PCDH11X: variants seen among roughly 807,000 people sequenced by gnomAD.
PCDH11X encodes protocadherin-11 X-linked.
In PCDH11X, 18 loss-of-function variants were observed where a neutral mutation model predicts 53.3. The ratio of observed to expected loss-of-function variants is 0.34; its 90% CI spans 0.23 to 0.50. The LOEUF (loss-of-function observed/expected upper bound fraction) is 0.50. Among genes scored for constraint, PCDH11X ranks in the 20% least tolerant of loss-of-function variants. The probability of loss-of-function intolerance (pLI) is 0.98; values close to 1 mark genes in which losing one functional copy is unlikely to be tolerated. For synonymous variants in PCDH11X, 279 were observed against 393.3 expected (o/e 0.71, Z 3.44); for missense variants, 570 against 1,032.4 (o/e 0.55, Z 6.14).
chrX:92,269,383 A>T (rs76307201), intron 8 of PCDH11X, among the ~76,000 whole-genome samples: 1 of 111,756 alleles, frequency 8.9e-6, no homozygotes, highest in East Asian at 2.9e-4. Flanking sequence ...AATAGTACTA[A>T]GTTTCAGTTG....
intron 6 of PCDH11X, among the ~76,000 whole-genome samples, chrX:91,913,100 G>A (rs1331345935): frequency 1.8e-5 from 2 of 111,335 alleles, no homozygotes; most frequent in Non-Finnish European, 3.8e-5. Flanking sequence ...TCTCACAGGG[G>A]CCCTCAGGAA....
chrX:91,919,167 C>A (rs1390496191), intron 6 of PCDH11X, among the ~76,000 whole-genome samples: 2 of 111,335 alleles, frequency 1.8e-5, no homozygotes, highest in Non-Finnish European at 3.8e-5. Flanking sequence ...AAATAATGAG[C>A]TGTTTGTTTC....
At chrX:92,445,312 T>C (rs1343218794) in intron 9 of PCDH11X, among the ~76,000 whole-genome samples, 1 of 104,793 alleles carries the variant, frequency 9.5e-6, no homozygotes, top group African/African-American at 3.5e-5. Flanking sequence ...TGGAAGATTG[T>C]ATGTTTCCAG....
chrX:92,255,728 A>G (rs928876416), intron 7 of PCDH11X, among the ~76,000 whole-genome samples: 9 of 112,009 alleles, frequency 8.0e-5, no homozygotes, highest in Non-Finnish European at 1.3e-4. Flanking sequence ...CCCCTACTGG[A>G]GGGTGCCTCC....
chrX:92,391,014 T>C, intron 9 of PCDH11X, among the ~76,000 whole-genome samples: 1 of 109,020 alleles, frequency 9.2e-6, no homozygotes, highest in Admixed American at 1.0e-4. Flanking sequence ...TAAAATATCC[T>C]GTCTCATTCC....
chrX:92,115,171 G>T (rs1602966179), intron 6 of PCDH11X, among the ~76,000 whole-genome samples: 1 of 110,508 alleles, frequency 9.0e-6, no homozygotes, highest in East Asian at 2.9e-4. Context: ...AACTGGAACT[G>T]ACCTCTCTAT....
At chrX:92,389,937 T>C (rs2071089838) in intron 9 of PCDH11X, among the ~76,000 whole-genome samples, 1 of 109,679 alleles carries the variant, frequency 9.1e-6, no homozygotes, top group Non-Finnish European at 1.9e-5. Flanking sequence ...TGTTCATATT[T>C]ACTCTACAGG....
intron 10 of PCDH11X, among the ~76,000 whole-genome samples, chrX:92,473,093 C>T (rs1344160946): frequency 1.9e-5 from 2 of 107,481 alleles, no homozygotes; most frequent in Non-Finnish European, 1.9e-5. Context: ...GATAGTTTGA[C>T]TTCCTCTCTG....
intron 9 of PCDH11X, among the ~76,000 whole-genome samples, chrX:92,432,478 T>C (rs906078713): frequency 7.2e-5 from 8 of 110,933 alleles, no homozygotes; most frequent in Non-Finnish European, 1.1e-4. Flanking sequence ...TATGGATGAA[T>C]AAATGTTATG....
chrX:91,809,954 C>G (rs1227406899), intron 2 of PCDH11X, among the ~76,000 whole-genome samples: 5 of 110,949 alleles, frequency 4.5e-5, no homozygotes, highest in Admixed American at 3.9e-4. Context: ...AATTACCCCT[C>G]AAAGTTGAAG....
chrX:92,331,565 G>A (rs1304683668), intron 8 of PCDH11X, among the ~76,000 whole-genome samples: 2 of 108,556 alleles, frequency 1.8e-5, no homozygotes, highest in Non-Finnish European at 1.9e-5. Context: ...ATATAAAAAA[G>A]GAAATAGTAT....
At chrX:92,271,521 A>G (rs1355001877) in intron 8 of PCDH11X, among the ~76,000 whole-genome samples, 2 of 112,106 alleles carry the variant, frequency 1.8e-5, no homozygotes, top group Non-Finnish European at 3.8e-5. Flanking sequence ...AAGTACCCCC[A>G]AGAGAACCTC....
intron 6 of PCDH11X, among the ~76,000 whole-genome samples, chrX:92,196,017 A>G (rs1317542916): frequency 8.9e-6 from 1 of 111,862 alleles, no homozygotes; most frequent in African/African-American, 3.2e-5. Context: ...TCAGTTTGTG[A>G]GTTTATATGG....
intron 6 of PCDH11X, among the ~76,000 whole-genome samples, chrX:92,024,718 C>CAAAAA (rs199917287): frequency 0.027 from 1,362 of 50,423 alleles, no homozygotes; most frequent in Non-Finnish European, 0.05. Context: ...CAATCCTAAG[C>CAAAAA]AAAAAAAAAA....
chrX:91,961,999 G>T (rs1016838973), intron 6 of PCDH11X, among the ~76,000 whole-genome samples: 1 of 108,381 alleles, frequency 9.2e-6, no homozygotes, highest in African/African-American at 3.4e-5. Flanking sequence ...CTCCCACCAG[G>T]TCTCTCCCAT....
chrX:92,463,444 A>G (rs949300754), intron 9 of PCDH11X, among the ~76,000 whole-genome samples: 1 of 110,231 alleles, frequency 9.1e-6, no homozygotes, highest in African/African-American at 3.3e-5. Flanking sequence ...TTGTTTTCAT[A>G]TCTTGGAAAT....
intron 6 of PCDH11X, among the ~76,000 whole-genome samples, chrX:92,144,333 A>G (rs912752525): frequency 5.5e-5 from 6 of 109,525 alleles, no homozygotes; most frequent in Non-Finnish European, 1.1e-4. Context: ...CCCCAACCAA[A>G]TCTCACCTTG....
chrX:92,147,288 A>G (rs2065282964), intron 6 of PCDH11X, among the ~76,000 whole-genome samples: 1 of 108,639 alleles, frequency 9.2e-6, no homozygotes, highest in Non-Finnish European at 1.9e-5. Context: ...TATTTCTCTT[A>G]TTTGATCACA....
At chrX:91,970,193 T>C (rs1213797801) in intron 6 of PCDH11X, among the ~76,000 whole-genome samples, 1 of 110,927 alleles carries the variant, frequency 9.0e-6, no homozygotes, top group Non-Finnish European at 1.9e-5. Context: ...ACCCAAAAAG[T>C]GAGCAGCAGC....
Sources: gnomAD v4.1 joint callset for allele counts (sites outside exome capture counted in the v4.1 genomes callset) on GRCh38, gnomAD v4.1.1 for gene constraint, MANE v1.5 for transcripts, NCBI Gene and HGNC (gene_info 2026-07-23, HGNC 2026-07-21) for gene names.